The following CPT1A variants were observed in gnomAD, a reference collection of about 807,000 sequenced individuals.
The protein encoded by CPT1A is carnitine palmitoyltransferase 1A.
In CPT1A, 64 loss-of-function variants were observed where a neutral mutation model predicts 100.8. The ratio of observed to expected loss-of-function variants is 0.63; its 90% CI spans 0.52 to 0.78. CPT1A has a LOEUF of 0.78. Among genes scored for constraint, CPT1A ranks in the 30% least tolerant of loss-of-function variants. The pLI is 0.00. For missense variants in CPT1A, 802 were observed against 1,034.1 expected, an observed-to-expected ratio of 0.78 and a Z score of 3.08; for synonymous variants, 363 against 396.0, an observed-to-expected ratio of 0.92 and a Z score of 0.99.
At chr11:68,817,063 GGTGTGTGTGGGTGC>G (rs1856437890) in intron 1 of CPT1A, among the ~76,000 whole-genome samples, 1 of 97,976 alleles carries the variant, frequency 1.0e-5, no homozygotes, top group Non-Finnish European at 1.8e-5. Context: ...GTGGGGGGTG[GGTGTGTGTGGGTGC>G]GTGTGTGTGG....
chr11:68,757,359 C>T lies in CPT1A; in HGVS notation c.*285G>A. ...ACAACCCTACTAATTCCTTCATTAA[C>T]TCAACAAGATTTGCATCCCTTAATA... On this transcript the variant is annotated 3_prime_UTR_variant, in exon 19 of 19. Coordinates refer to ENST00000265641, the MANE Select transcript of CPT1A (RefSeq NM_001876.4). 1 of 1,303,148 alleles carries T rather than the reference C, an allele frequency of 7.7e-7. No individual in the cohort carries two copies. The highest frequency in any genetic ancestry group is 9.8e-7 in the Non-Finnish European group (1 of 1,019,072). The allele number at this position is 1,303,148 out of a possible 1,614,324, so 80.7% of individuals were successfully genotyped here.
Position 68,841,680 on chromosome 11 carries a change from C to A in CPT1A, c.-14+95G>T. The A allele has an allele frequency of 1.5e-6, 1 of 662,240 alleles. No homozygotes were observed. Among genetic ancestry groups the A allele is most frequent in the East Asian group, 1.4e-4 (1 of 7,358 alleles). 41.0% of individuals were successfully genotyped at this position (662,240 alleles called of 1,614,324 possible). A position where few individuals can be genotyped will look rare whatever the true frequency, so the allele number is the denominator to read the frequency against. ...TTCCGGCGGCGTCCCCCACCCGGTC[C>A]GGTTCCCGGCAGCCCCGCGCCCCGC... On this transcript the variant is annotated intron_variant, in intron 1 of 18. Coordinates refer to ENST00000265641, the MANE Select transcript of CPT1A (RefSeq NM_001876.4). This position sits in a 1 kb window ranked among gnomAD's most constrained non-coding sequence, Gnocchi z 6.3.
At chr11:68,798,440 T>A (rs575236215) in intron 6 of CPT1A, among the ~76,000 whole-genome samples, 45 of 152,212 alleles carry the variant, frequency 3.0e-4, no homozygotes, top group African/African-American at 1.1e-3. Context: ...CAGGGTCGCT[T>A]TGGACACCTT....
Position 68,784,979 on chromosome 11 carries a change from G to A in CPT1A, c.999C>T (p.His333=). Reference sequence around the variant, plus strand: ...AGCGTCCTCGATGGTACACGACGATGTGCTTGCTGTCTCTCATGTGCTGGA... The same window carrying A: ...AGCGTCCTCGATGGTACACGACGATATGCTTGCTGTCTCTCATGTGCTGGA... ...DTIQHMRDSK[H]IVVYHRGRYF... The change falls in exon 10 of 19, where the codon CAC becomes CAT. Residue 333 remains histidine, a synonymous_variant. Transcript: ENST00000265641. 6.2e-7 allele frequency: 1 copy of A among 1,614,006 alleles called. No individual in the cohort carries two copies. Among genetic ancestry groups the A allele is most frequent in the East Asian group, 2.2e-5 (1 of 44,880 alleles).
intron 11 of CPT1A, among the ~76,000 whole-genome samples, chr11:68,781,004 G>A (rs536535534): frequency 6.6e-6 from 1 of 152,308 alleles, no homozygotes; most frequent in East Asian, 1.9e-4. Flanking sequence ...GTTATCGCAA[G>A]GCAACTGGGG....
intron 15 of CPT1A, 125 bp from the exon 16 acceptor site, chr11:68,761,812 T>C (rs977632287): frequency 2.2e-5 from 26 of 1,172,964 alleles, no homozygotes; most frequent in South Asian, 3.7e-5. Context: ...GGTTTCAACA[T>C]GTTGCCCAGG....
intron 13 of CPT1A, chr11:68,773,915 T>A (rs890989059): frequency 4.2e-6 from 1 of 235,942 alleles, no homozygotes; most frequent in African/African-American, 2.3e-5. Flanking sequence ...CCTCCAGCAG[T>A]GCTAGACAGG....
intron 7 of CPT1A, among the ~76,000 whole-genome samples, 189 bp downstream of exon 7, chr11:68,796,667 C>G (rs1398565200): frequency 2.0e-5 from 3 of 152,212 alleles, no homozygotes; most frequent in African/African-American, 7.2e-5. Context: ...GCAGAGCACC[C>G]TGGGCTACTA....
intron 12 of CPT1A, among the ~76,000 whole-genome samples, chr11:68,779,457 G>A (rs1023583387): frequency 1.6e-4 from 22 of 133,602 alleles, no homozygotes; most frequent in African/African-American, 5.3e-4. Flanking sequence ...TGCCAAACAC[G>A]GAACAGGTCA....
chr11:68,814,094 G>A (rs967168248), intron 2 of CPT1A, among the ~76,000 whole-genome samples: 10 of 151,050 alleles, frequency 6.6e-5, no homozygotes, highest in South Asian at 4.2e-4. Flanking sequence ...GGGGGTCAGC[G>A]GGGGGGGATT....
In CPT1A at chr11:68,781,900, A is replaced by C; in HGVS notation, c.1223T>G (p.Leu408Arg). The change falls in exon 11 of 19, where the codon CTT becomes CGT. Residue 408 changes from leucine to arginine, a missense_variant. Physicochemically the swap from Leu to Arg is moderately radical, Grantham distance 102. Around this residue, in one of 4 missense-constraint regions of CPT1A, gnomAD observed 627 missense variants for 799.3 expected, o/e 0.78. Coordinates refer to ENST00000265641, the MANE Select transcript of CPT1A (RefSeq NM_001876.4). ...GAACGCTGCTTTCTCCACAGCATCA[A>C]GAGACTGCTTATTTTTCCCACGTCC... ...YFGRGKNKQS[L>R]DAVEKAAFFV... is the part of the protein sequence containing the mutation. 1 of 1,614,222 alleles carries C rather than the reference A, an allele frequency of 6.2e-7. No homozygotes were observed. Among genetic ancestry groups the C allele is most frequent in the Non-Finnish European group, 8.5e-7 (1 of 1,180,030 alleles).
At chr11:68,840,935 G>A (rs1224973423) in intron 1 of CPT1A, among the ~76,000 whole-genome samples, 1 of 151,860 alleles carries the variant, frequency 6.6e-6, no homozygotes, top group Non-Finnish European at 1.5e-5. Flanking sequence ...CACATGCTCC[G>A]CGCCCACCCG....
At chr11:68,814,367 C>T (rs1315379887) in intron 2 of CPT1A, among the ~76,000 whole-genome samples, 4 of 151,976 alleles carry the variant, frequency 2.6e-5, no homozygotes, top group Admixed American at 6.6e-5. Flanking sequence ...AGTGCAGTGG[C>T]GCGATCTCGG....
At chr11:68,791,981 G>A (rs148876558) in intron 9 of CPT1A, among the ~76,000 whole-genome samples, 292 of 152,206 alleles carry the variant, frequency 1.9e-3, no homozygotes, top group Non-Finnish European at 3.1e-3. Context: ...TACTGACTAG[G>A]GCTTGGTCTG....
intron 5 of CPT1A, among the ~76,000 whole-genome samples, chr11:68,801,227 C>T (rs1855897340): frequency 6.6e-6 from 1 of 152,158 alleles, no homozygotes; most frequent in East Asian, 1.9e-4. Context: ...CCGAGCTACG[C>T]AACACAGACA....
chr11:68,791,821 G>A (rs1190363425), intron 9 of CPT1A, among the ~76,000 whole-genome samples: 2 of 152,080 alleles, frequency 1.3e-5, no homozygotes, highest in African/African-American at 2.4e-5. Flanking sequence ...ACAGGCGTGA[G>A]CCACCGCGCC....
Position 68,807,650 on chromosome 11 carries a change from G to A in CPT1A, c.282-12C>T. The A allele has an allele frequency of 1.2e-6, 2 of 1,613,740 alleles. No individual in the cohort carries two copies. Among genetic ancestry groups the A allele is most frequent in the East Asian group, 4.5e-5 (2 of 44,870 alleles). Reference sequence around the variant, plus strand: ...TGGACATGCAGTTGCTGTGGAGACAGACCCAGACAAGGGAGGCTGTGCGTG... The same window carrying A: ...TGGACATGCAGTTGCTGTGGAGACAAACCCAGACAAGGGAGGCTGTGCGTG... On this transcript the variant is annotated splice_polypyrimidine_tract_variant and intron_variant, in intron 3 of 18. Coordinates refer to ENST00000265641, the MANE Select transcript of CPT1A (RefSeq NM_001876.4).
In CPT1A at chr11:68,760,354, G is replaced by A. The variant is rs749610467; in HGVS notation, c.2029-16C>T. 5 of 1,580,796 alleles carry A rather than the reference G, an allele frequency of 3.2e-6. No individual in the cohort carries two copies. The highest frequency in any genetic ancestry group is 3.5e-6 in the Non-Finnish European group (4 of 1,154,784). On this transcript the variant is annotated splice_polypyrimidine_tract_variant and intron_variant, in intron 16 of 18. Coordinates refer to ENST00000265641, the MANE Select transcript of CPT1A (RefSeq NM_001876.4). ...CAGATAAAACCTATTGAGTGAAACA[G>A]GGAAATGTTTCCTAATCCCCTCCTC...
At chr11:68,782,144 C>T (rs1855330276) in intron 10 of CPT1A, among the ~76,000 whole-genome samples, 185 bp from the exon 11 acceptor site, 1 of 152,226 alleles carries the variant, frequency 6.6e-6, no homozygotes, top group Non-Finnish European at 1.5e-5. Flanking sequence ...GGTCTCCAGA[C>T]CACAGCATGG....
Sources: gnomAD v4.1 joint callset for allele counts (sites outside exome capture counted in the v4.1 genomes callset) on GRCh38, gnomAD v4.1.1 for gene constraint, gnomAD v4.1.1 regional missense constraint, Gnocchi (gnomAD v3.1) non-coding constraint, MANE v1.5 for transcripts, NCBI Gene and HGNC (gene_info 2026-07-23, HGNC 2026-07-21) for gene names.